GRIA4: variants seen among roughly 807,000 people sequenced by gnomAD.
GRIA4 encodes glutamate ionotropic receptor AMPA type subunit 4.
Under a neutral mutation model 104.0 loss-of-function variants are expected in GRIA4, and 34 were observed. That is an observed-to-expected ratio of 0.33 (90% CI 0.25 to 0.44). The LOEUF is 0.44. Among genes scored for constraint, GRIA4 ranks in the 20% least tolerant of loss-of-function variants. The pLI is 1.00. For synonymous variants in GRIA4, 386 were observed against 381.9 expected (o/e 1.01, Z -0.13); for missense variants, 750 against 1,096.5 (o/e 0.68, Z 4.46).
At chr11:105,863,606 C>T (rs1945305600) in intron 5 of GRIA4, among the ~76,000 whole-genome samples, 1 of 152,074 alleles carries the variant, frequency 6.6e-6, no homozygotes, top group South Asian at 2.1e-4. Flanking sequence ...CCTCCGACTC[C>T]CATTTCCCTC....
rs545214560 is a variant in GRIA4, at chr11:105,919,762, G to A, written c.1476+844G>A. ...AGTCCAGAAACTAAATCTGTAGCTT[G>A]TAGGAAACTCTATTCATCGAGTAAC... On this transcript the variant is annotated intron_variant, in intron 11 of 16. Transcript: ENST00000282499. Among the ~76,000 whole-genome samples the A allele has an allele frequency of 3.5e-3, 527 of 152,268 alleles. 3 individuals are homozygous for A. Among genetic ancestry groups the A allele is most frequent in the African/African-American group, 0.012 (503 of 41,564 alleles).
chr11:105,718,404 C>T (rs1565488734), intron 3 of GRIA4, among the ~76,000 whole-genome samples: 1 of 152,142 alleles, frequency 6.6e-6, no homozygotes, highest in Non-Finnish European at 1.5e-5. Flanking sequence ...TATTATCGTA[C>T]CATAAGCACA....
chr11:105,654,363 A>AG (rs1951779669), intron 3 of GRIA4, among the ~76,000 whole-genome samples: 1 of 152,160 alleles, frequency 6.6e-6, no homozygotes, highest in African/African-American at 2.4e-5. Context: ...CTGAAAAAAA[A>AG]AAAGGTATGT....
At chr11:105,875,354 G>A (rs992552229) in intron 5 of GRIA4, among the ~76,000 whole-genome samples, 1 of 152,140 alleles carries the variant, frequency 6.6e-6, no homozygotes, top group Non-Finnish European at 1.5e-5. Context: ...ATGTTCATCA[G>A]GGATATTGGC....
rs148063125 is a variant in GRIA4 at position 105,721,010 on chromosome 11, A to G, written c.248-31971A>G. Among the ~76,000 whole-genome samples, 768 of 152,276 alleles carry G rather than the reference A, an allele frequency of 5.0e-3. 16 individuals are homozygous for G. The highest frequency in any genetic ancestry group is 0.017 in the African/African-American group (716 of 41,550). ...AATGGGGCTGCCTAACTTGATGAATATATGCTCATGGACAGTGTTAAGTGG... is the reference window on the plus strand; with the variant it reads ...AATGGGGCTGCCTAACTTGATGAATGTATGCTCATGGACAGTGTTAAGTGG... On this transcript the variant is annotated intron_variant, in intron 3 of 16. Transcript: ENST00000282499.
intron 4 of GRIA4, among the ~76,000 whole-genome samples, chr11:105,812,456 C>T (rs145356159): frequency 4.0e-4 from 61 of 152,244 alleles, no homozygotes; most frequent in African/African-American, 1.4e-3. Flanking sequence ...TGATTTGAGT[C>T]CCTTTTCTGT....
In GRIA4 at chr11:105,788,224, T is replaced by G. The variant is rs1328422772; in HGVS notation, c.487+35004T>G. ...AATTAAGATAACTAAGACATTTTAT[T>G]ATTAGAAAATCAAAAAAAACAAAAG... On this transcript the variant is annotated intron_variant, in intron 4 of 16. Coordinates refer to ENST00000282499, the MANE Select transcript of GRIA4 (RefSeq NM_000829.4). Among the ~76,000 whole-genome samples the G allele has an allele frequency of 2.0e-5, 3 of 152,150 alleles. No individual in the cohort carries two copies. The East Asian group carries it at 5.8e-4, about 29-fold the overall frequency.
intron 3 of GRIA4, among the ~76,000 whole-genome samples, chr11:105,649,291 G>T (rs1951621163): frequency 6.6e-6 from 1 of 151,956 alleles, no homozygotes; most frequent in South Asian, 2.1e-4. Flanking sequence ...TAATTATTTT[G>T]TTTATCTCAG....
At chr11:105,746,364 G>A (rs545402766) in intron 3 of GRIA4, among the ~76,000 whole-genome samples, 12 of 150,900 alleles carry the variant, frequency 8.0e-5, no homozygotes, top group Admixed American at 2.0e-4. Flanking sequence ...GTTAGAGATA[G>A]GCAACATCAA....
chr11:105,882,335 T>C, intron 5 of GRIA4, among the ~76,000 whole-genome samples: 1 of 152,218 alleles, frequency 6.6e-6, no homozygotes, highest in East Asian at 1.9e-4. Context: ...TGGAAGACCA[T>C]GTTCAATAGA....
intron 9 of GRIA4, among the ~76,000 whole-genome samples, chr11:105,907,696 A>C (rs1947092060): frequency 6.6e-6 from 1 of 152,236 alleles, no homozygotes; most frequent in South Asian, 2.1e-4. Flanking sequence ...CTTTAATTGT[A>C]AAAATTTCAT....
chr11:105,731,330 C>A (rs1719497257), intron 3 of GRIA4, among the ~76,000 whole-genome samples: 1 of 152,180 alleles, frequency 6.6e-6, no homozygotes, highest in Non-Finnish European at 1.5e-5. Flanking sequence ...AATGAGATAC[C>A]ATCTCACACC....
At chr11:105,823,242 T>C (rs1269296981) in intron 4 of GRIA4, among the ~76,000 whole-genome samples, 1 of 152,144 alleles carries the variant, frequency 6.6e-6, no homozygotes, top group East Asian at 1.9e-4. Flanking sequence ...CAGAGCTAGT[T>C]CTGACTTATG....
chr11:105,924,341 C>T (rs944508376), intron 11 of GRIA4, 58 bp from the exon 12 acceptor site: 3 of 1,327,036 alleles, frequency 2.3e-6, no homozygotes, highest in Non-Finnish European at 3.1e-6. Flanking sequence ...CATTCCAGTG[C>T]TAATTGCTTC....
chr11:105,858,203 A>G (rs1451591047), intron 4 of GRIA4, among the ~76,000 whole-genome samples: 1 of 152,172 alleles, frequency 6.6e-6, no homozygotes, highest in Non-Finnish European at 1.5e-5. Context: ...CTATTCTAAA[A>G]AATTATTTTC....
At chr11:105,979,003 T>C (rs944594641) in intron 16 of GRIA4, among the ~76,000 whole-genome samples, 3 of 152,210 alleles carry the variant, frequency 2.0e-5, no homozygotes, top group African/African-American at 7.2e-5. Context: ...TTAGTGTCCA[T>C]AATAGCATAG....
At chr11:105,898,830 CA>C (rs1256657526) in intron 7 of GRIA4, among the ~76,000 whole-genome samples, 1 of 149,280 alleles carries the variant, frequency 6.7e-6, no homozygotes, top group African/African-American at 2.5e-5. Flanking sequence ...CAAGCTTCTG[CA>C]AAAGTTCTTT....
At chr11:105,977,525 T>C (rs1016374880) in intron 16 of GRIA4, among the ~76,000 whole-genome samples, 10 of 151,988 alleles carry the variant, frequency 6.6e-5, no homozygotes, top group Admixed American at 1.3e-4. Context: ...CTTTAGAAGA[T>C]TGTGGAAAAT....
intron 14 of GRIA4, among the ~76,000 whole-genome samples, chr11:105,962,389 AT>A (rs1948765517): frequency 6.6e-6 from 1 of 152,230 alleles, no homozygotes. Flanking sequence ...AAATTTACAT[AT>A]GTTAGTTCCC....
Sources: gnomAD v4.1 joint callset for allele counts (sites outside exome capture counted in the v4.1 genomes callset) on GRCh38, gnomAD v4.1.1 for gene constraint, MANE v1.5 for transcripts, NCBI Gene and HGNC (gene_info 2026-07-23, HGNC 2026-07-21) for gene names.